Variants in RBFOX1 observed in about 807,000 individuals in gnomAD.
RBFOX1 encodes the protein RNA binding protein fox-1 homolog 1.
Under a neutral mutation model 57.7 loss-of-function variants are expected in RBFOX1, and 8 were observed. That is an observed-to-expected ratio of 0.14 (90% CI 0.08 to 0.25). The LOEUF is 0.25. Ranked by LOEUF, RBFOX1 falls within the 10% of genes least tolerant of loss-of-function variation. The pLI is 1.00. For synonymous variants in RBFOX1, 326 were observed against 222.4 expected, an observed-to-expected ratio of 1.47 and a Z score of -4.15; for missense variants, 611 against 548.5, an observed-to-expected ratio of 1.11 and a Z score of -1.14.
At chr16:7,326,180 G>A (rs1003831050) in intron 4 of RBFOX1, among the ~76,000 whole-genome samples, 1 of 152,182 alleles carries the variant, frequency 6.6e-6, no homozygotes, top group African/African-American at 2.4e-5. Flanking sequence ...TGGGTGAATG[G>A]CAGGCAAACA....
chr16:6,976,663 G>GAT (rs1210826162), intron 3 of RBFOX1, among the ~76,000 whole-genome samples: 1 of 148,640 alleles, frequency 6.7e-6, no homozygotes, highest in Admixed American at 6.8e-5. Context: ...ATATATATAT[G>GAT]ATATATATAT....
chr16:6,351,994 C>T (rs921833604), intron 2 of RBFOX1, among the ~76,000 whole-genome samples: 3 of 152,266 alleles, frequency 2.0e-5, no homozygotes, highest in African/African-American at 7.2e-5. Context: ...GAGTTCATGG[C>T]TGTATTTACC....
chr16:7,196,252 C>T (rs1271801605), intron 4 of RBFOX1, among the ~76,000 whole-genome samples: 1 of 152,108 alleles, frequency 6.6e-6, no homozygotes, highest in Non-Finnish European at 1.5e-5. Flanking sequence ...TGCTTGTGTG[C>T]ATGGTGAATG....
intron 14 of RBFOX1, among the ~76,000 whole-genome samples, chr16:7,700,610 C>G (rs529044701): frequency 2.0e-5 from 3 of 151,870 alleles, no homozygotes; most frequent in Non-Finnish European, 4.4e-5. Flanking sequence ...CAGGAGTAGA[C>G]AAACAAAGGA....
intron 4 of RBFOX1, among the ~76,000 whole-genome samples, chr16:5,958,666 C>T (rs1236351983): frequency 1.3e-5 from 2 of 152,206 alleles, no homozygotes; most frequent in African/African-American, 4.8e-5. Flanking sequence ...TATTCTCTTA[C>T]AGATCTGGAC....
chr16:7,610,292 G>A (rs193295544), intron 10 of RBFOX1, among the ~76,000 whole-genome samples: 1 of 151,526 alleles, frequency 6.6e-6, no homozygotes, highest in East Asian at 1.9e-4. Context: ...GATCATTTTT[G>A]TATTTTTTTG....
intron 4 of RBFOX1, among the ~76,000 whole-genome samples, chr16:5,876,302 AT>A: frequency 2.0e-5 from 1 of 50,896 alleles, no homozygotes; most frequent in African/African-American, 1.1e-4. Flanking sequence ...TCCTCACAAT[AT>A]AACCCTATGA....
intron 4 of RBFOX1, among the ~76,000 whole-genome samples, chr16:7,447,006 G>A (rs1047573078): frequency 5.3e-5 from 8 of 151,028 alleles, no homozygotes; most frequent in Non-Finnish European, 1.2e-4. Flanking sequence ...TAGAGAATGG[G>A]TTTCACCATG....
chr16:7,362,760 A>T (rs1031582521), intron 4 of RBFOX1, among the ~76,000 whole-genome samples: 2 of 151,856 alleles, frequency 1.3e-5, no homozygotes, highest in Non-Finnish European at 2.9e-5. Flanking sequence ...ATGTTAGTGT[A>T]TGTTTCTGTG....
chr16:6,528,209 A>G (rs1476067008), intron 2 of RBFOX1, among the ~76,000 whole-genome samples: 1 of 152,140 alleles, frequency 6.6e-6, no homozygotes, highest in Non-Finnish European at 1.5e-5. Flanking sequence ...TGCTCATAGT[A>G]GTTGCTCAAT....
intron 3 of RBFOX1, among the ~76,000 whole-genome samples, chr16:6,685,210 T>C (rs970601798): frequency 1.6e-4 from 24 of 152,092 alleles, no homozygotes; most frequent in African/African-American, 5.3e-4. Context: ...CAGGAGGTGT[T>C]GTTAATCATT....
At chr16:6,654,800 C>G (rs1185028697) in intron 3 of RBFOX1, 150 bp downstream of exon 3, 5 of 566,788 alleles carry the variant, frequency 8.8e-6, no homozygotes, top group Non-Finnish European at 1.4e-5. Flanking sequence ...CTTAAAAATG[C>G]TTGTCATTTT....
chr16:5,569,425 G>A (rs966906448), intron 2 of RBFOX1, among the ~76,000 whole-genome samples: 17 of 122,070 alleles, frequency 1.4e-4, no homozygotes, highest in African/African-American at 4.6e-4. Context: ...AAGGGTTAAT[G>A]ATAAGAAGTA....
intron 1 of RBFOX1, among the ~76,000 whole-genome samples, chr16:6,292,206 G>A (rs1193034731): frequency 6.6e-6 from 1 of 152,094 alleles, no homozygotes; most frequent in Non-Finnish European, 1.5e-5. Flanking sequence ...GCTGCAGTAA[G>A]CCATGATCAC....
At chr16:5,900,026 C>T (rs1365622710) in intron 4 of RBFOX1, among the ~76,000 whole-genome samples, 3 of 152,016 alleles carry the variant, frequency 2.0e-5, no homozygotes, top group Admixed American at 1.3e-4. Context: ...TGCAGTGAGC[C>T]GAGATTGTGC....
At chr16:6,553,677 A>T (rs188592338) in intron 2 of RBFOX1, among the ~76,000 whole-genome samples, 1 of 152,250 alleles carries the variant, frequency 6.6e-6, no homozygotes, top group African/African-American at 2.4e-5. Context: ...AGAAAAGAAG[A>T]TTTGTTTTAA....
chr16:7,208,322 G>T (rs981252706), intron 4 of RBFOX1, among the ~76,000 whole-genome samples: 1 of 152,220 alleles, frequency 6.6e-6, no homozygotes, highest in African/African-American at 2.4e-5. Context: ...TTGTGTTTCA[G>T]TAAGGGAGTA....
chr16:6,117,954 C>G (rs1263197461), intron 1 of RBFOX1, among the ~76,000 whole-genome samples: 1 of 152,146 alleles, frequency 6.6e-6, no homozygotes, highest in East Asian at 1.9e-4. Flanking sequence ...CGAAATATTT[C>G]TAGTAAGAAC....
At chr16:7,610,123 T>TTTTTTTTTTTTTTTC (rs2057168317) in intron 10 of RBFOX1, among the ~76,000 whole-genome samples, 1 of 126,444 alleles carries the variant, frequency 7.9e-6, no homozygotes, top group East Asian at 2.0e-4. Context: ...GCCCCCTTTT[T>TTTTTTTTTTTTTTTC]TTTTTTTTTT....
Sources: gnomAD v4.1 joint callset for allele counts (sites outside exome capture counted in the v4.1 genomes callset) on GRCh38, gnomAD v4.1.1 for gene constraint, MANE v1.5 for transcripts, NCBI Gene and HGNC (gene_info 2026-07-23, HGNC 2026-07-21) for gene names.